The following RP1 variants were observed in gnomAD, a reference collection of about 807,000 sequenced individuals.
RP1 encodes RP1 axonemal microtubule associated, also known as oxygen-regulated protein 1.
Under a neutral mutation model 14.8 loss-of-function variants are expected in RP1, and 16 were observed. The observed-to-expected ratio is 1.08, with a 90% confidence interval of 0.73 to 1.65. The LOEUF is 1.65. Among genes scored for constraint, RP1 ranks in the 40% most tolerant of loss-of-function variants. RP1 has a pLI of 0.00. For synonymous variants in RP1, 876 were observed against 883.6 expected, an observed-to-expected ratio of 0.99 and a Z score of 0.15; for missense variants, 2,631 against 2,535.0, an observed-to-expected ratio of 1.04 and a Z score of -0.81.
intron 24 of RP1, among the ~76,000 whole-genome samples, chr8:54,805,802 C>T (rs1810833596): frequency 6.6e-6 from 1 of 151,726 alleles, no homozygotes; most frequent in East Asian, 1.9e-4. Flanking sequence ...GAGAATCCAG[C>T]CATTATATAT....
chr8:54,623,532 C>G (rs1269219952), intron 3 of RP1, among the ~76,000 whole-genome samples: 1 of 151,424 alleles, frequency 6.6e-6, no homozygotes, highest in African/African-American at 2.4e-5. Flanking sequence ...ATGATGGGCT[C>G]AAGTGATCAC....
At chr8:54,816,399 T>C (rs966809271) in intron 24 of RP1, among the ~76,000 whole-genome samples, 1 of 152,136 alleles carries the variant, frequency 6.6e-6, no homozygotes, top group Non-Finnish European at 1.5e-5. Flanking sequence ...TTTGATCAAA[T>C]AGATATAAGA....
At chr8:54,631,779 C>T (rs2129319303), downstream of RP1, among the ~76,000 whole-genome samples, 1 of 152,106 alleles carries the variant, frequency 6.6e-6, no homozygotes, top group South Asian at 2.1e-4. Context: ...GGACTGCAGG[C>T]ACACGCCACT....
At chr8:54,863,053 A>G (rs1812384052) in intron 27 of RP1, among the ~76,000 whole-genome samples, 1 of 138,410 alleles carries the variant, frequency 7.2e-6, no homozygotes, top group African/African-American at 2.7e-5. Flanking sequence ...GGATATATAT[A>G]TATATATATA....
intron 24 of RP1, among the ~76,000 whole-genome samples, chr8:54,786,423 T>G (rs1207001114): frequency 6.6e-6 from 1 of 152,112 alleles, no homozygotes; most frequent in East Asian, 1.9e-4. Flanking sequence ...TTCAAAAATT[T>G]TACTGTGTTG....
At chr8:54,706,484 C>G (rs1340530356) in exon 15 of RP1, 1 of 1,535,872 alleles carries the variant, frequency 6.5e-7, no homozygotes, top group South Asian at 1.2e-5. Context: ...TTGCTACAAG[C>G]CTGTGTCAGG....
chr8:54,565,918 G>T (rs867925602), intron 1 of RP1, among the ~76,000 whole-genome samples: 6 of 152,186 alleles, frequency 3.9e-5, no homozygotes, highest in African/African-American at 1.4e-4. Flanking sequence ...ACACTGTCCA[G>T]TCTTCTCCCC....
chr8:54,825,679 T>C (rs551665809), intron 24 of RP1, among the ~76,000 whole-genome samples: 1 of 152,372 alleles, frequency 6.6e-6, no homozygotes, highest in East Asian at 1.9e-4. Flanking sequence ...AGTTGTTTTA[T>C]TAATTTGTGA....
intron 28 of RP1, among the ~76,000 whole-genome samples, chr8:54,866,111 A>T (rs1812452654): frequency 6.6e-6 from 1 of 152,092 alleles, no homozygotes; most frequent in Non-Finnish European, 1.5e-5. Flanking sequence ...TGTAATCTCT[A>T]ACATTTTTCT....
intron 7 of RP1, among the ~76,000 whole-genome samples, chr8:54,668,689 T>C (rs1376952774): frequency 6.6e-6 from 1 of 151,958 alleles, no homozygotes; most frequent in Non-Finnish European, 1.5e-5. Context: ...TATAGACCAA[T>C]GGAACAGAGC....
intron 24 of RP1, among the ~76,000 whole-genome samples, chr8:54,792,767 A>G (rs1281282694): frequency 6.6e-6 from 1 of 152,042 alleles, no homozygotes; most frequent in Middle Eastern, 3.4e-3. Context: ...CAAGCTAACT[A>G]TACACTTCGA....
At chr8:54,616,949 A>AT (rs1805733035) in intron 1 of RP1, among the ~76,000 whole-genome samples, 1 of 152,212 alleles carries the variant, frequency 6.6e-6, no homozygotes, top group African/African-American at 2.4e-5. Flanking sequence ...GATGCCACAG[A>AT]TAAGCCTAGC....
intron 1 of RP1, among the ~76,000 whole-genome samples, chr8:54,590,295 A>G (rs1805017880): frequency 6.6e-6 from 1 of 152,274 alleles, no homozygotes; most frequent in East Asian, 1.9e-4. Flanking sequence ...CCCTTCACAG[A>G]AACATTCCAG....
At chr8:54,698,087 C>T (rs1807914802) in intron 12 of RP1, among the ~76,000 whole-genome samples, 1 of 152,152 alleles carries the variant, frequency 6.6e-6, no homozygotes, top group Non-Finnish European at 1.5e-5. Flanking sequence ...AAGAAACTAT[C>T]ATCAGAGTGA....
At chr8:54,578,000 AGGTT>A (rs1804698111) in intron 1 of RP1, among the ~76,000 whole-genome samples, 1 of 151,904 alleles carries the variant, frequency 6.6e-6, no homozygotes, top group Admixed American at 6.6e-5. Flanking sequence ...CACAATGTGC[AGGTT>A]AGTTACATAT....
At chr8:54,764,167 C>A (rs1220362037) in intron 22 of RP1, among the ~76,000 whole-genome samples, 1 of 152,188 alleles carries the variant, frequency 6.6e-6, no homozygotes, top group African/African-American at 2.4e-5. Flanking sequence ...GTGAGGCAGG[C>A]CTTCGGGCAA....
At chr8:54,560,937 T>A (rs1804272288) in intron 1 of RP1, 1 of 152,322 alleles carries the variant, frequency 6.6e-6, no homozygotes, top group African/African-American at 2.4e-5. Flanking sequence ...GCAGGGGGCA[T>A]GTTCTCTCAC....
intron 1 of RP1, among the ~76,000 whole-genome samples, chr8:54,565,117 GC>G (rs1327950456): frequency 6.6e-6 from 1 of 152,100 alleles, no homozygotes; most frequent in Non-Finnish European, 1.5e-5. Context: ...TGTGTCAGTT[GC>G]CTGGGATTTA....
At chr8:54,687,340 G>A (rs964153114) in intron 12 of RP1, among the ~76,000 whole-genome samples, 3 of 151,694 alleles carry the variant, frequency 2.0e-5, no homozygotes, top group African/African-American at 2.4e-5. Flanking sequence ...CTTTAACTTC[G>A]GGGATACATG....
Sources: allele counts gnomAD v4.1 joint callset (sites outside exome capture counted in the v4.1 genomes callset), GRCh38; gene constraint gnomAD v4.1.1; transcripts MANE v1.5; gene names NCBI Gene and HGNC (gene_info 2026-07-23, HGNC 2026-07-21).